The following DLGAP1 variants were observed in gnomAD, a reference collection of about 807,000 sequenced individuals.
DLGAP1 encodes DLG associated protein 1, also known as disks large-associated protein 1.
DLGAP1 carries 11 observed loss-of-function variants against 90.8 expected under a neutral mutation model. That is an observed-to-expected ratio of 0.12 (90% CI 0.08 to 0.20). The LOEUF is 0.20. Ranked by LOEUF, DLGAP1 falls within the 10% of genes least tolerant of loss-of-function variation. DLGAP1 has a pLI of 1.00. For synonymous variants in DLGAP1, 558 were observed against 540.7 expected (o/e 1.03, Z -0.44); for missense variants, 1,050 against 1,333.8 (o/e 0.79, Z 3.31).
At chr18:3,538,287 G>A (rs939362654) in intron 9 of DLGAP1, among the ~76,000 whole-genome samples, 1 of 151,248 alleles carries the variant, frequency 6.6e-6, no homozygotes, top group African/African-American at 2.4e-5. Flanking sequence ...ACTAGCCAAA[G>A]TTGACCCATT....
intron 2 of DLGAP1, among the ~76,000 whole-genome samples, chr18:4,041,992 AAAG>A (rs1372172299): frequency 6.6e-6 from 1 of 152,238 alleles, no homozygotes; most frequent in African/African-American, 2.4e-5. Context: ...TGATTTTTAT[AAAG>A]AAGAATTTTC....
At chr18:4,114,450 C>A (rs2076027420) in intron 2 of DLGAP1, among the ~76,000 whole-genome samples, 1 of 152,016 alleles carries the variant, frequency 6.6e-6, no homozygotes, top group East Asian at 1.9e-4. Flanking sequence ...GATTTTGGTA[C>A]ATTGATTTTG....
intron 1 of DLGAP1, among the ~76,000 whole-genome samples, chr18:4,178,200 T>TAA (rs1283990855): frequency 3.7e-5 from 4 of 106,838 alleles, no homozygotes; most frequent in African/African-American, 1.7e-4. Flanking sequence ...GGTCCTGGAA[T>TAA]AAACACACAC....
intron 2 of DLGAP1, among the ~76,000 whole-genome samples, chr18:4,047,347 T>C (rs1161819699): frequency 6.6e-6 from 1 of 152,252 alleles, no homozygotes; most frequent in Non-Finnish European, 1.5e-5. Context: ...TTTGGAAGGA[T>C]ATTGTATAAA....
rs542748976 is a variant in DLGAP1 at position 3,546,401 on chromosome 18, C to T, written c.2058-11786G>A. On this transcript the variant is annotated intron_variant, in intron 9 of 12. Transcript: ENST00000315677. Reference sequence around the variant, plus strand: ...CTGCACTCCAGCCTTGGTGACAGTGCCAAACCTTGTCTCAAAAAAAAAAAA... The same window carrying T: ...CTGCACTCCAGCCTTGGTGACAGTGTCAAACCTTGTCTCAAAAAAAAAAAA... Among the ~76,000 whole-genome samples, 9 of 125,008 alleles carry T rather than the reference C, an allele frequency of 7.2e-5. No homozygotes were observed. In the South Asian group the frequency reaches 1.8e-3, roughly 25 times the overall value. The allele number at this position is 125,008 out of a possible 152,430, so 82.0% of individuals were successfully genotyped here.
At chr18:3,512,968 C>G (rs1027063364) in intron 10 of DLGAP1, among the ~76,000 whole-genome samples, 1 of 152,190 alleles carries the variant, frequency 6.6e-6, no homozygotes, top group African/African-American at 2.4e-5. Flanking sequence ...CAGCAGATCT[C>G]GAGAACTTAT....
chr18:3,912,322 T>C (rs2072052971), intron 3 of DLGAP1, among the ~76,000 whole-genome samples: 1 of 152,158 alleles, frequency 6.6e-6, no homozygotes, highest in Non-Finnish European at 1.5e-5. Context: ...GTGGGGGAAA[T>C]GCAAATGAAG....
chr18:4,119,425 A>G (rs2076117061), intron 2 of DLGAP1, among the ~76,000 whole-genome samples: 1 of 152,186 alleles, frequency 6.6e-6, no homozygotes, highest in African/African-American at 2.4e-5. Context: ...AGAGCCACCA[A>G]TAATTAGTGC....
chr18:4,292,735 T>C (rs1598831391), intron 1 of DLGAP1, among the ~76,000 whole-genome samples: 1 of 152,132 alleles, frequency 6.6e-6, no homozygotes, highest in East Asian at 1.9e-4. Context: ...CAGATAGAAT[T>C]TCAAGGGTAG....
intron 1 of DLGAP1, among the ~76,000 whole-genome samples, chr18:4,167,392 G>A (rs893841592): frequency 6.6e-6 from 1 of 152,072 alleles, no homozygotes; most frequent in African/African-American, 2.4e-5. Flanking sequence ...ATCAGAACAA[G>A]AGAAATTACT....
chr18:4,117,342 T>C (rs996047630), intron 2 of DLGAP1, among the ~76,000 whole-genome samples: 1 of 152,244 alleles, frequency 6.6e-6, no homozygotes, highest in African/African-American at 2.4e-5. Context: ...TCTTTGCATG[T>C]CTTGTAATTG....
intron 7 of DLGAP1, chr18:3,594,440 T>A (rs2056463528): frequency 7.0e-6 from 1 of 142,884 alleles, no homozygotes; most frequent in East Asian, 2.2e-4. Flanking sequence ...TGGCCAAGCC[T>A]GGAACATCAC....
chr18:3,987,963 G>A (rs1194268630), intron 3 of DLGAP1, among the ~76,000 whole-genome samples: 2 of 152,098 alleles, frequency 1.3e-5, no homozygotes, highest in African/African-American at 2.4e-5. Context: ...GCGGGGGATG[G>A]TTTCGGGATG....
intron 8 of DLGAP1, among the ~76,000 whole-genome samples, chr18:3,572,500 T>C (rs1468956454): frequency 6.6e-6 from 1 of 152,070 alleles, no homozygotes; most frequent in East Asian, 1.9e-4. Context: ...CAGGCTGGAG[T>C]GCAGTGGCGC....
At chr18:4,024,360 G>A (rs2074664574) in intron 2 of DLGAP1, among the ~76,000 whole-genome samples, 1 of 152,180 alleles carries the variant, frequency 6.6e-6, no homozygotes, top group African/African-American at 2.4e-5. Context: ...CTTTCCCGGT[G>A]AGGCCTAAAC....
intron 3 of DLGAP1, chr18:3,992,984 A>G (rs2073998240): frequency 6.6e-6 from 1 of 152,156 alleles, no homozygotes; most frequent in South Asian, 2.1e-4. Flanking sequence ...GAGATAATCA[A>G]GTCAGCTTGG....
At chr18:4,182,745 G>T (rs1473997866) in intron 1 of DLGAP1, among the ~76,000 whole-genome samples, 3 of 152,200 alleles carry the variant, frequency 2.0e-5, no homozygotes, top group Admixed American at 2.0e-4. Flanking sequence ...CCCTACACTG[G>T]TTATTAAATG....
intron 10 of DLGAP1, among the ~76,000 whole-genome samples, chr18:3,522,947 G>A (rs2051309605): frequency 6.6e-6 from 1 of 152,192 alleles, no homozygotes; most frequent in South Asian, 2.1e-4. Context: ...AAACGGAAGG[G>A]AAAGGTTCCT....
At chr18:3,795,214 A>T (rs1216816934) in intron 5 of DLGAP1, among the ~76,000 whole-genome samples, 1 of 152,058 alleles carries the variant, frequency 6.6e-6, no homozygotes, top group Admixed American at 6.5e-5. Flanking sequence ...CCAGGAAGAA[A>T]CCCCCAAATT....
Sources: allele counts gnomAD v4.1 joint callset (sites outside exome capture counted in the v4.1 genomes callset), GRCh38; gene constraint gnomAD v4.1.1; transcripts MANE v1.5; gene names NCBI Gene and HGNC (gene_info 2026-07-23, HGNC 2026-07-21).